The following USP32 variants were observed in gnomAD, a reference collection of about 807,000 sequenced individuals.
USP32 encodes the protein ubiquitin specific peptidase 32.
Under a neutral mutation model 204.8 loss-of-function variants are expected in USP32, and 59 were observed. The ratio of observed to expected loss-of-function variants is 0.29; its 90% CI spans 0.23 to 0.36. The LOEUF (loss-of-function observed/expected upper bound fraction) is 0.36, where lower values mean the gene tolerates loss of function less well. Ranked by LOEUF, USP32 falls within the 10% of genes least tolerant of loss-of-function variation. The pLI is 1.00. For synonymous variants in USP32, 517 were observed against 678.4 expected (o/e 0.76, Z 3.70); for missense variants, 1,160 against 1,946.4 (o/e 0.60, Z 7.60).
intron 12 of USP32, among the ~76,000 whole-genome samples, chr17:60,228,373 G>A (rs1329437046): frequency 1.3e-5 from 2 of 151,914 alleles, no homozygotes; most frequent in Admixed American, 6.6e-5. Flanking sequence ...TGTCAAAAAA[G>A]AAGTATAAAT....
At chr17:60,307,285 G>T (rs759865691) in intron 2 of USP32, among the ~76,000 whole-genome samples, 19 of 152,008 alleles carry the variant, frequency 1.2e-4, no homozygotes, top group Non-Finnish European at 1.5e-5. Context: ...ATTTTTAGTA[G>T]AGATGGGGTT....
Position 60,208,128 on chromosome 17 carries a change from C to T in USP32, c.2856G>A (p.Gln952=), listed in dbSNP as rs764106957. 8 of 1,605,476 alleles carry T rather than the reference C, an allele frequency of 5.0e-6. No homozygotes were observed. The highest frequency in any genetic ancestry group is 6.0e-6 in the Non-Finnish European group (7 of 1,174,422). Reference sequence around the variant, plus strand: ...AATTAAGTCCACAGAGATCACTCAGCTGTTTTTTTAAACCTGTGTACTTTT... The same window carrying T: ...AATTAAGTCCACAGAGATCACTCAGTTGTTTTTTTAAACCTGTGTACTTTT... ...MDEKYTGLKK[Q]LSDLCGLNSE... The change falls in exon 24 of 34, where the codon CAG becomes CAA. Residue 952 remains glutamine, a synonymous_variant. Coordinates refer to ENST00000300896, the MANE Select transcript of USP32 (RefSeq NM_032582.4).
chr17:60,351,359 C>T (rs954542216), intron 1 of USP32, among the ~76,000 whole-genome samples: 6 of 152,120 alleles, frequency 3.9e-5, no homozygotes, highest in Admixed American at 2.0e-4. Context: ...CTATGTCAGG[C>T]CCTTCCTAGC....
intron 12 of USP32, among the ~76,000 whole-genome samples, chr17:60,228,295 C>A (rs976137511): frequency 3.3e-5 from 5 of 152,208 alleles, no homozygotes; most frequent in African/African-American, 1.2e-4. Context: ...GGATTACAGG[C>A]GTGACCCACT....
rs372433134 is a variant in USP32, at chr17:60,210,421, C to A, written c.2424+592G>T. ...CCACCTCCCAGGTTCAAGCGTTTCT[C>A]GTGCCTCAGCCTCCCAAGTAGCTGG... On this transcript the variant is annotated intron_variant, in intron 21 of 33. Coordinates refer to ENST00000300896, the MANE Select transcript of USP32 (RefSeq NM_032582.4). 6.6e-5 allele frequency among the ~76,000 whole-genome samples: 10 copies of A among 152,080 alleles called. No homozygotes were observed. The South Asian group carries it at 1.2e-3, about 19-fold the overall frequency.
intron 1 of USP32, among the ~76,000 whole-genome samples, chr17:60,367,245 A>C (rs1295993178): frequency 6.6e-6 from 1 of 152,182 alleles, no homozygotes; most frequent in Non-Finnish European, 1.5e-5. Context: ...GTGGTTGCTC[A>C]AGCTGGTAAC....
chr17:60,183,292 G>A lies in USP32; in HGVS notation c.3996C>T (p.Leu1332=), dbSNP rs771613492. ...HKPLTPQGDE[L]SEPRILAREV... ...CCCTTGCCAGAATCCTGGGCTCAGA[G>A]AGCTCATCCCCCTGGGGTGTGAGTG... is the stretch of plus-strand genomic sequence containing the variant. The change falls in exon 31 of 34, where the codon CTC becomes CTT. Residue 1332 remains leucine, a synonymous_variant. Transcript: ENST00000300896. The A allele has an allele frequency of 5.0e-6, 8 of 1,613,860 alleles. No homozygotes were observed. The highest frequency in any genetic ancestry group is 1.3e-5 in the African/African-American group (1 of 74,930).
chr17:60,195,994 G>A (rs1240547061), intron 27 of USP32, among the ~76,000 whole-genome samples: 3 of 152,206 alleles, frequency 2.0e-5, no homozygotes, highest in Non-Finnish European at 4.4e-5. Flanking sequence ...GGCCTGGGCC[G>A]GGTGCAGCAG....
Position 60,219,773 on chromosome 17 carries a change from G to A in USP32, c.1764C>T (p.Ser588=), listed in dbSNP as rs1446877937. The A allele has an allele frequency of 1.2e-6, 2 of 1,610,732 alleles. No homozygotes were observed. The highest frequency in any genetic ancestry group is 1.7e-6 in the Non-Finnish European group (2 of 1,178,788). The change falls in exon 16 of 34, where the codon AGC becomes AGT. Residue 588 remains serine (S), a synonymous_variant. Transcript: ENST00000300896. ...ATTCCAGCTCTGGGATGTCTGTCTT[G>A]CTGTTCTTGATAACCTATTGTTTTA... The part of the protein sequence containing the change: ...LALPRPVIKN[S]KTDIPELELF...
At chr17:60,340,818 T>C (rs905339569) in intron 2 of USP32, among the ~76,000 whole-genome samples, 1 of 152,244 alleles carries the variant, frequency 6.6e-6, no homozygotes, top group African/African-American at 2.4e-5. Context: ...CGGTTGTTTC[T>C]TTCCATGTTT....
intron 10 of USP32, among the ~76,000 whole-genome samples, chr17:60,253,539 G>C (rs561991198): frequency 4.1e-4 from 63 of 152,190 alleles, no homozygotes; most frequent in African/African-American, 1.5e-3. Flanking sequence ...GCTGAGGCGG[G>C]CAGATCACTT....
intron 26 of USP32, among the ~76,000 whole-genome samples, chr17:60,202,478 C>CAT (rs2084704046): frequency 2.0e-5 from 3 of 151,714 alleles, no homozygotes; most frequent in African/African-American, 4.8e-5. Flanking sequence ...CACACACACA[C>CAT]GCAGACTTTG....
chr17:60,339,941 A>G lies in USP32; in HGVS notation c.186+5540T>C, dbSNP rs531577065. ...CTAGGGAATAAAGTTCTTTCCATCT[A>G]CAACTGGCAGCTTGTGTAGTCCTGT... On this transcript the variant is annotated intron_variant, in intron 2 of 33. Transcript: ENST00000300896. Among the ~76,000 whole-genome samples, 3 of 152,332 alleles carry G rather than the reference A, an allele frequency of 2.0e-5. No homozygotes were observed. The South Asian group carries it at 6.2e-4, about 32-fold the overall frequency.
intron 26 of USP32, among the ~76,000 whole-genome samples, chr17:60,200,020 C>A (rs1359102591): frequency 5.9e-5 from 9 of 151,892 alleles, no homozygotes; most frequent in African/African-American, 2.2e-4. Context: ...ATGGTGAAAC[C>A]CTGTCTCTAC....
In USP32 at chr17:60,205,649, G is replaced by A. The variant is rs1161252600; in HGVS notation, c.3047C>T (p.Ser1016Phe). The change falls in exon 26 of 34, where the codon TCT becomes TTT. Residue 1016 changes from serine (S) to phenylalanine (F), a missense_variant. Physicochemically the swap from Ser to Phe is radical, Grantham distance 155. This residue lies in a region of USP32 where 47 missense variants were observed against 71.1 expected (regional missense o/e 0.66). Transcript: ENST00000300896. ...ASSPTQTDFSSSPSTNEMFTL... is the reference protein window; with the variant it reads ...ASSPTQTDFSFSPSTNEMFTL... ...GAACATTTCATTTGTAGATGGCGAA[G>A]AGGAGAAATCTACAAATTCAAAGAT... The A allele has an allele frequency of 6.8e-6, 11 of 1,613,866 alleles. No individual in the cohort carries two copies. Among genetic ancestry groups the A allele is most frequent in the African/African-American group, 1.3e-5 (1 of 74,944 alleles).
chr17:60,360,328 TTTTTTGTATTTTTACAAATACAAAAAA>T (rs1457926000), intron 1 of USP32, among the ~76,000 whole-genome samples: 73 of 151,994 alleles, frequency 4.8e-4, no homozygotes, highest in African/African-American at 1.6e-3. Flanking sequence ...ACAAAAATTA[TTTTTTGTATTTTTACAAATACAAAAAA>T]TTTTTGTATT....
At chr17:60,326,019 G>A (rs1230283140) in intron 2 of USP32, among the ~76,000 whole-genome samples, 2 of 151,040 alleles carry the variant, frequency 1.3e-5, no homozygotes, top group Admixed American at 6.6e-5. Context: ...ACTAAATGGT[G>A]GTATGTACCA....
intron 16 of USP32, among the ~76,000 whole-genome samples, chr17:60,218,965 T>C (rs2085173346): frequency 6.6e-6 from 1 of 152,210 alleles, no homozygotes; most frequent in Non-Finnish European, 1.5e-5. Flanking sequence ...GTCTTGCCCG[T>C]CAATAAAGTT....
chr17:60,212,694 A>AATC (rs1343910031), intron 18 of USP32, among the ~76,000 whole-genome samples: 2 of 151,886 alleles, frequency 1.3e-5, no homozygotes, highest in African/African-American at 4.8e-5. Context: ...GGAATTTCTT[A>AATC]TACTTAAAAC....
Sources: gnomAD v4.1 joint callset for allele counts (sites outside exome capture counted in the v4.1 genomes callset) on GRCh38, gnomAD v4.1.1 for gene constraint, gnomAD v4.1.1 regional missense constraint, MANE v1.5 for transcripts, NCBI Gene and HGNC (gene_info 2026-07-23, HGNC 2026-07-21) for gene names.